Variants in EFCAB6 observed in about 807,000 individuals in gnomAD.
The protein encoded by EFCAB6 is EF-hand calcium binding domain 6.
In EFCAB6, 156 loss-of-function variants were observed where a neutral mutation model predicts 169.8. The ratio of observed to expected loss-of-function variants is 0.92; its 90% CI spans 0.81 to 1.05. EFCAB6 has a LOEUF of 1.05. Among genes scored for constraint, EFCAB6 ranks in the 50% least tolerant of loss-of-function variants. The pLI is 0.00. For synonymous variants in EFCAB6, 698 were observed against 676.4 expected, an observed-to-expected ratio of 1.03 and a Z score of -0.50; for missense variants, 1,800 against 1,829.1, an observed-to-expected ratio of 0.98 and a Z score of 0.29.
chr22:43,575,763 C>G (rs573786025), intron 26 of EFCAB6, among the ~76,000 whole-genome samples: 16 of 152,174 alleles, frequency 1.1e-4, no homozygotes, highest in African/African-American at 3.9e-4. Flanking sequence ...TACTCACTAG[C>G]TGGGTGACTG....
At chr22:43,609,624 A>G (rs2053168029) in intron 21 of EFCAB6, among the ~76,000 whole-genome samples, 1 of 152,262 alleles carries the variant, frequency 6.6e-6, no homozygotes, top group Non-Finnish European at 1.5e-5. Flanking sequence ...ACAGAAAAGT[A>G]TAAAACTTTA....
At chr22:43,730,770 G>C (rs1188703715) in intron 8 of EFCAB6, among the ~76,000 whole-genome samples, 1 of 152,148 alleles carries the variant, frequency 6.6e-6, no homozygotes, top group Non-Finnish European at 1.5e-5. Context: ...AAGAGGCGAC[G>C]CAGGAACACG....
chr22:43,720,903 A>C (rs1181282154), intron 8 of EFCAB6, among the ~76,000 whole-genome samples: 2 of 152,162 alleles, frequency 1.3e-5, no homozygotes, highest in Admixed American at 6.6e-5. Context: ...AAGAAAGAAA[A>C]GGCATCCACA....
At chr22:43,597,843 G>T (rs1255824738) in intron 23 of EFCAB6, among the ~76,000 whole-genome samples, 8 of 152,090 alleles carry the variant, frequency 5.3e-5, no homozygotes, top group African/African-American at 1.9e-4. Context: ...TCCATCAACA[G>T]ATTAATAAAG....
At chr22:43,784,511 ATGTGTGTGTGTG>A (rs370724337) in intron 2 of EFCAB6, among the ~76,000 whole-genome samples, 2 of 91,372 alleles carry the variant, frequency 2.2e-5, no homozygotes, top group African/African-American at 4.2e-5. Flanking sequence ...AAATATATAT[ATGTGTGTGTGTG>A]TGTGTGTGTG....
chr22:43,743,236 G>A (rs1335287317), intron 6 of EFCAB6, among the ~76,000 whole-genome samples: 4 of 152,192 alleles, frequency 2.6e-5, no homozygotes, highest in Admixed American at 6.5e-5. Context: ...GATGAAAGCC[G>A]GAGAGTGGGG....
intron 12 of EFCAB6, among the ~76,000 whole-genome samples, chr22:43,679,134 C>T (rs994347446): frequency 4.6e-5 from 7 of 152,168 alleles, no homozygotes; most frequent in Non-Finnish European, 1.0e-4. Context: ...GAAGAAATCT[C>T]GTGCACATTT....
At chr22:43,778,561 C>T (rs2061709886) in intron 3 of EFCAB6, among the ~76,000 whole-genome samples, 1 of 152,132 alleles carries the variant, frequency 6.6e-6, no homozygotes, top group African/African-American at 2.4e-5. Flanking sequence ...AAGAGGCCTC[C>T]CATGAAACCC....
chr22:43,686,534 C>G (rs920023049), intron 11 of EFCAB6, among the ~76,000 whole-genome samples: 1 of 152,132 alleles, frequency 6.6e-6, no homozygotes, highest in Admixed American at 6.5e-5. Context: ...GACAGCCTCT[C>G]TAGACAACGT....
intron 5 of EFCAB6, among the ~76,000 whole-genome samples, chr22:43,757,853 C>T (rs1291042747): frequency 1.3e-5 from 2 of 152,216 alleles, no homozygotes; most frequent in Non-Finnish European, 2.9e-5. Flanking sequence ...AGCCTATGAC[C>T]ATTTATTGTC....
At chr22:43,673,518 G>A (rs1290077667) in intron 13 of EFCAB6, among the ~76,000 whole-genome samples, 1 of 152,184 alleles carries the variant, frequency 6.6e-6, no homozygotes, top group Admixed American at 6.5e-5. Flanking sequence ...GCTCAAGCCT[G>A]TAATCCCAAC....
At chr22:43,667,564 TCA>T (rs1299716794) in intron 16 of EFCAB6, among the ~76,000 whole-genome samples, 9 of 152,166 alleles carry the variant, frequency 5.9e-5, no homozygotes, top group African/African-American at 2.2e-4. Context: ...CTCGAGATTT[TCA>T]GTTATGCTTT....
chr22:43,563,396 C>T (rs2049198291), intron 26 of EFCAB6, among the ~76,000 whole-genome samples: 1 of 152,130 alleles, frequency 6.6e-6, no homozygotes, highest in African/African-American at 2.4e-5. Flanking sequence ...GACAAAACCC[C>T]ATCTCTACAA....
At chr22:43,750,737 TAAC>T (rs998309594) in intron 6 of EFCAB6, among the ~76,000 whole-genome samples, 42 of 152,348 alleles carry the variant, frequency 2.8e-4, no homozygotes, top group Admixed American at 1.7e-3. Context: ...GTGGTGATTC[TAAC>T]AACTGATTCT....
chr22:43,573,734 A>C (rs1482293769), intron 26 of EFCAB6, among the ~76,000 whole-genome samples: 1 of 58,486 alleles, frequency 1.7e-5, no homozygotes, highest in Non-Finnish European at 3.6e-5. Context: ...TGTCTCAACA[A>C]AAAAAAAAAA....
intron 8 of EFCAB6, among the ~76,000 whole-genome samples, chr22:43,720,668 AAAGT>A (rs1323997052): frequency 6.6e-6 from 1 of 152,000 alleles, no homozygotes; most frequent in East Asian, 1.9e-4. Context: ...AGGGAGGAAG[AAAGT>A]AAGAAAAAAG....
At chr22:43,789,146 T>C (rs1403053906) in intron 2 of EFCAB6, among the ~76,000 whole-genome samples, 1 of 152,188 alleles carries the variant, frequency 6.6e-6, no homozygotes, top group Non-Finnish European at 1.5e-5. Flanking sequence ...TGCTGATGGA[T>C]ACAGAGTTTC....
intron 17 of EFCAB6, among the ~76,000 whole-genome samples, chr22:43,649,359 A>G (rs2056347964): frequency 6.6e-6 from 1 of 152,272 alleles, no homozygotes; most frequent in Non-Finnish European, 1.5e-5. Flanking sequence ...TTTTAAAACC[A>G]TAAGACCAGC....
intron 4 of EFCAB6, among the ~76,000 whole-genome samples, chr22:43,770,613 G>C (rs761161045): frequency 1.6e-4 from 25 of 152,188 alleles, no homozygotes; most frequent in Non-Finnish European, 2.1e-4. Flanking sequence ...AAAAATTCAA[G>C]GGATGGGGCT....
Sources: gnomAD v4.1 joint callset for allele counts (sites outside exome capture counted in the v4.1 genomes callset) on GRCh38, gnomAD v4.1.1 for gene constraint, MANE v1.5 for transcripts, NCBI Gene and HGNC (gene_info 2026-07-23, HGNC 2026-07-21) for gene names.